Variants in LEPR observed in about 807,000 individuals in gnomAD.
The protein encoded by LEPR is OB receptor.
LEPR carries 56 observed loss-of-function variants against 114.7 expected under a neutral mutation model. The observed-to-expected ratio is 0.49, with a 90% CI of 0.39 to 0.61. The LOEUF (loss-of-function observed/expected upper bound fraction) is 0.61, where lower values mean the gene tolerates loss of function less well. Ranked by LOEUF, LEPR falls within the 20% of genes least tolerant of loss-of-function variation. The pLI, the probability that LEPR is intolerant of heterozygous loss-of-function variation, is 0.00. For synonymous variants in LEPR, 443 were observed against 461.4 expected (o/e 0.96, Z 0.51); for missense variants, 1,202 against 1,352.9 (o/e 0.89, Z 1.75).
intron 2 of LEPR, among the ~76,000 whole-genome samples, chr1:65,538,763 A>G (rs936301297): frequency 6.0e-5 from 9 of 150,290 alleles, no homozygotes; most frequent in Non-Finnish European, 1.0e-4. Flanking sequence ...TTGTTTGGTA[A>G]TTTCTTAATT....
intron 2 of LEPR, among the ~76,000 whole-genome samples, chr1:65,485,209 A>T (rs1647424349): frequency 6.6e-6 from 1 of 152,164 alleles, no homozygotes; most frequent in African/African-American, 2.4e-5. Context: ...TTCATCTATA[A>T]AACAGGGAAG....
chr1:65,439,927 G>A (rs1049126486), intron 2 of LEPR, among the ~76,000 whole-genome samples: 14 of 149,504 alleles, frequency 9.4e-5, no homozygotes, highest in South Asian at 8.4e-4. Context: ...ACTTGAACCC[G>A]GAGGCGGAGG....
intron 2 of LEPR, among the ~76,000 whole-genome samples, chr1:65,546,978 C>G (rs906241690): frequency 1.3e-5 from 2 of 152,088 alleles, no homozygotes; most frequent in African/African-American, 4.8e-5. Context: ...TGAGATATGT[C>G]CCATGAATAC....
intron 2 of LEPR, among the ~76,000 whole-genome samples, chr1:65,443,818 G>A (rs1337247035): frequency 6.6e-6 from 1 of 152,094 alleles, no homozygotes; most frequent in Non-Finnish European, 1.5e-5. Context: ...TGTTCTTTTG[G>A]GGGTAGATTT....
At chr1:65,449,974 A>G (rs1646761902) in intron 2 of LEPR, among the ~76,000 whole-genome samples, 1 of 152,144 alleles carries the variant, frequency 6.6e-6, no homozygotes, top group Admixed American at 6.5e-5. Flanking sequence ...TTTAGTTAAA[A>G]ATAATTTTAA....
intron 8 of LEPR, 111 bp downstream of exon 8, chr1:65,598,915 CA>C (rs1441677988): frequency 2.7e-6 from 4 of 1,493,352 alleles, no homozygotes; most frequent in Non-Finnish European, 2.7e-6. Flanking sequence ...AGGAGGAACA[CA>C]GTATCAACTT....
chr1:65,565,457 T>A, intron 2 of LEPR, 89 bp from the exon 3 acceptor site: 1 of 1,256,858 alleles, frequency 8.0e-7, no homozygotes, highest in Admixed American at 1.9e-5. Context: ...TTATCTATAA[T>A]CCCTTTCCTT....
At chr1:65,543,687 G>A (rs2100674250) in intron 2 of LEPR, among the ~76,000 whole-genome samples, 1 of 152,050 alleles carries the variant, frequency 6.6e-6, no homozygotes, top group Admixed American at 6.5e-5. Flanking sequence ...TTCTGCATAT[G>A]GCTAGCCAGC....
chr1:65,543,994 T>G (rs2100675583), intron 2 of LEPR, among the ~76,000 whole-genome samples: 1 of 152,154 alleles, frequency 6.6e-6, no homozygotes. Flanking sequence ...TTTTTAAAAT[T>G]CTTTAAAGAA....
At chr1:65,484,899 G>A (rs1483220847) in intron 2 of LEPR, among the ~76,000 whole-genome samples, 1 of 152,250 alleles carries the variant, frequency 6.6e-6, no homozygotes, top group South Asian at 2.1e-4. Flanking sequence ...TTTTTATTCT[G>A]AAATTCATCA....
intron 2 of LEPR, among the ~76,000 whole-genome samples, chr1:65,519,436 C>T (rs1649519217): frequency 6.6e-6 from 1 of 152,004 alleles, no homozygotes; most frequent in Admixed American, 6.6e-5. Flanking sequence ...AGGTGTGAGC[C>T]ACTGTGCCTG....
chr1:65,592,689 C>T lies in LEPR; in HGVS notation c.527C>T (p.Pro176Leu). The change falls in exon 6 of 20, where the codon CCC becomes CTC. Residue 176 changes from proline (P) to leucine (L), a missense_variant. By Grantham distance (98) the Pro-to-Leu change is moderately conservative. Coordinates refer to ENST00000349533, the MANE Select transcript of LEPR (RefSeq NM_002303.6). ...PEVLEDSPLV[P>L]QKGSFQMVHC... ...GTGTTAGAAGATTCACCTCTGGTTC[C>T]CCAAAAAGGCAGTTTTCAGATGGTT... The T allele has an allele frequency of 6.2e-7, 1 of 1,612,904 alleles. No individual in the cohort carries two copies. Among genetic ancestry groups the T allele is most frequent in the Non-Finnish European group, 8.5e-7 (1 of 1,179,308 alleles).
chr1:65,451,197 G>T (rs1256690755), intron 2 of LEPR, among the ~76,000 whole-genome samples: 1 of 152,066 alleles, frequency 6.6e-6, no homozygotes, highest in African/African-American at 2.4e-5. Flanking sequence ...AGATGAGTAG[G>T]TTGCGAAAAT....
At chr1:65,550,861 T>C (rs1262049637) in intron 2 of LEPR, among the ~76,000 whole-genome samples, 2 of 152,110 alleles carry the variant, frequency 1.3e-5, no homozygotes, top group Non-Finnish European at 2.9e-5. Flanking sequence ...CCTAGTGAGA[T>C]GAACCCGGTA....
chr1:65,583,427 C>T (rs1655120296), intron 5 of LEPR, among the ~76,000 whole-genome samples: 1 of 152,120 alleles, frequency 6.6e-6, no homozygotes, highest in Non-Finnish European at 1.5e-5. Flanking sequence ...GTCTGGGAAT[C>T]GTTCAAGTTC....
intron 2 of LEPR, among the ~76,000 whole-genome samples, chr1:65,454,436 A>G (rs1038252725): frequency 6.6e-6 from 1 of 151,424 alleles, no homozygotes; most frequent in Non-Finnish European, 1.5e-5. Flanking sequence ...GTTCCTTTCC[A>G]TGTTTAGCGC....
At chr1:65,435,246 T>C in intron 2 of LEPR, 4 of 984,806 alleles carry the variant, frequency 4.1e-6, no homozygotes, top group Non-Finnish European at 4.8e-6. Context: ...AGTCCTTACC[T>C]CTGAGGTATC....
At chr1:65,558,521 C>A (rs1008105842) in intron 2 of LEPR, among the ~76,000 whole-genome samples, 8 of 13,180 alleles carry the variant, frequency 6.1e-4, no homozygotes, top group South Asian at 4.8e-3. Flanking sequence ...TTTTTTGAAT[C>A]AGAAGTTTTT....
chr1:65,446,300 T>C (rs531279711), intron 2 of LEPR, among the ~76,000 whole-genome samples: 33 of 152,374 alleles, frequency 2.2e-4, no homozygotes, highest in African/African-American at 7.2e-4. Context: ...GCCATTCTAA[T>C]AGTTCCTACC....
Sources: gnomAD v4.1 joint callset for allele counts (sites outside exome capture counted in the v4.1 genomes callset) on GRCh38, gnomAD v4.1.1 for gene constraint, MANE v1.5 for transcripts, NCBI Gene and HGNC (gene_info 2026-07-23, HGNC 2026-07-21) for gene names.